SRPX2: variants seen among roughly 807,000 people sequenced by gnomAD.
SRPX2 encodes sushi repeat-containing protein SRPX2.
SRPX2 carries 26 observed loss-of-function variants against 45.3 expected under a neutral mutation model. That is an observed-to-expected ratio of 0.57 (90% CI 0.42 to 0.80). SRPX2 has a LOEUF of 0.80. Among genes scored for constraint, SRPX2 ranks in the 30% least tolerant of loss-of-function variants. The probability of loss-of-function intolerance (pLI) is 0.00; values close to 1 mark genes in which losing one functional copy is unlikely to be tolerated. For missense variants in SRPX2, 355 were observed against 399.8 expected (o/e 0.89, Z 0.95); for synonymous variants, 125 against 143.7 (o/e 0.87, Z 0.93).
intron 3 of SRPX2, among the ~76,000 whole-genome samples, chrX:100,661,675 C>T (rs1478506372): frequency 8.9e-6 from 1 of 112,120 alleles, no homozygotes; most frequent in Non-Finnish European, 1.9e-5. Context: ...GAGGCTGAGG[C>T]AGGAGAATGG....
chrX:100,645,882 T>C (rs111366850), intron 1 of SRPX2, among the ~76,000 whole-genome samples: 263 of 111,903 alleles, frequency 2.4e-3, no homozygotes, highest in African/African-American at 7.9e-3. Flanking sequence ...GAAATGTTAG[T>C]TGAATGAATG....
At chrX:100,667,221 G>C (rs1231047462) in intron 8 of SRPX2, 53 bp from the exon 9 acceptor site, 3 of 1,210,716 alleles carry the variant, frequency 2.5e-6, no homozygotes, top group Non-Finnish European at 3.4e-6. Context: ...GGTTACCTAA[G>C]CTGGGATGGA....
chrX:100,645,547 G>A (rs1023030966), intron 1 of SRPX2, among the ~76,000 whole-genome samples: 6 of 111,836 alleles, frequency 5.4e-5, no homozygotes, highest in African/African-American at 2.0e-4. Context: ...AAAACCCAAA[G>A]CTAAGAACAG....
chrX:100,666,842 C>T lies in SRPX2; in HGVS notation c.870C>T (p.Tyr290=). 1 of 1,212,080 alleles carries T rather than the reference C, an allele frequency of 8.3e-7. No homozygotes were observed. The highest frequency in any genetic ancestry group is 1.1e-6 in the Non-Finnish European group (1 of 895,640). Residue 290 remains tyrosine, a synonymous_variant, in exon 8 of 11, where the codon TAC becomes TAT. Transcript: ENST00000373004. ...AGDNYGATCE[Y]HCDGGYDRQG... ...ACAACTATGGTGCCACCTGTGAATA[C>T]CACTGTGATGGCGGTTATGATCGCC...
chrX:100,650,644 C>A lies in SRPX2; in HGVS notation c.83-141C>A, dbSNP rs185914642. On this transcript the variant is annotated intron_variant, in intron 2 of 10. Transcript: ENST00000373004. ...TGCTGCCTTACAATGCAGGATTTCC[C>A]CCACTAAATATCCACCTGGCTCCCC... is the stretch of plus-strand genomic sequence containing the variant. The A allele has an allele frequency of 9.2e-6, 5 of 541,194 alleles. No individual in the cohort carries two copies. The East Asian group carries it at 1.8e-4, about 20-fold the overall frequency. The allele number at this position is 541,194 out of a possible 1,213,427, so 44.6% of individuals were successfully genotyped here. A position where few individuals can be genotyped will look rare whatever the true frequency, so the allele number is the denominator to read the frequency against.
At chrX:100,661,856 C>T (rs1353766896) in intron 3 of SRPX2, among the ~76,000 whole-genome samples, 4 of 108,879 alleles carry the variant, frequency 3.7e-5, no homozygotes, top group African/African-American at 1.3e-4. Context: ...TCCCAGTGAC[C>T]TTCTCCTGTT....
rs1267384163 is a variant in SRPX2 at position 100,661,283 on chromosome X, C to T, written c.164-893C>T. On this transcript the variant is annotated intron_variant, in intron 3 of 10. Transcript: ENST00000373004. ...ATCTTTTCATGTGCTTATTTGCCAT[C>T]GGTGTAGCCTATTCAGTGCCATGTG... 4.5e-5 allele frequency among the ~76,000 whole-genome samples: 5 copies of T among 111,785 alleles called. No homozygotes were observed. The East Asian group carries it at 1.4e-3, about 31-fold the overall frequency.
rs934348560 is a variant in SRPX2 at position 100,675,545 on chromosome X, G to A, written c.*4558G>A. ...AAAAGCATAAATTGGAGAGGAGAAAGAGGAAGGAACTACTCACCTCTCCCC... is the reference window on the plus strand; with the variant it reads ...AAAAGCATAAATTGGAGAGGAGAAAAAGGAAGGAACTACTCACCTCTCCCC... On this transcript the variant is annotated 3_prime_UTR_variant, in exon 11 of 11. Transcript: ENST00000373004. 4 of 112,260 alleles carry A rather than the reference G, an allele frequency of 3.6e-5. No homozygotes were observed. Among genetic ancestry groups the A allele is most frequent in the African/African-American group, 1.3e-4 (4 of 30,707 alleles). 9.3% of individuals were successfully genotyped at this position (112,260 alleles called of 1,213,427 possible).
intron 3 of SRPX2, among the ~76,000 whole-genome samples, chrX:100,655,070 AC>A (rs1413180596): frequency 8.9e-6 from 1 of 112,371 alleles, no homozygotes; most frequent in Admixed American, 9.4e-5. Flanking sequence ...ATGAATAGCT[AC>A]AGAAAGCGGA....
At position 100,672,277 on chromosome X, in the gene SRPX2, A is replaced by G. The variant is rs1313578372; in HGVS notation, c.*1290A>G. 1 of 112,036 alleles carries G rather than the reference A, an allele frequency of 8.9e-6. No individual in the cohort carries two copies. The highest frequency in any genetic ancestry group is 3.2e-5 in the African/African-American group (1 of 30,788). 9.2% of individuals were successfully genotyped at this position (112,036 alleles called of 1,213,427 possible). A position where few individuals can be genotyped will look rare whatever the true frequency, so the allele number is the denominator to read the frequency against. ...GCTGAGAGCCTTCTTTCATACAGTC[A>G]TGGAACCCAGAGTCATAGCTAAGAC... On this transcript the variant is annotated 3_prime_UTR_variant, in exon 11 of 11. Transcript: ENST00000373004.
At chrX:100,666,651 C>T in intron 7 of SRPX2, 103 bp from the exon 8 acceptor site, 1 of 1,033,646 alleles carries the variant, frequency 9.7e-7, no homozygotes, top group Non-Finnish European at 1.3e-6. Context: ...TTTTTCTGAT[C>T]ATCCTAAGTC....
chrX:100,669,402 A>AGGGGGGGGGGGG, intron 10 of SRPX2, 33 bp downstream of exon 10: 1 of 27,559 alleles, frequency 3.6e-5, no homozygotes, highest in Admixed American at 1.0e-3. Context: ...ACTTGGGGGG[A>AGGGGGGGGGGGG]GGGGGGGCTG....
At chrX:100,649,927 G>A (rs773407990) in intron 2 of SRPX2, among the ~76,000 whole-genome samples, 2 of 112,030 alleles carry the variant, frequency 1.8e-5, no homozygotes, top group East Asian at 2.8e-4. Flanking sequence ...ACTTCACTCC[G>A]GAAAGGACCA....
intron 10 of SRPX2, among the ~76,000 whole-genome samples, chrX:100,670,243 G>A (rs1355547536): frequency 1.8e-5 from 2 of 111,352 alleles, no homozygotes; most frequent in African/African-American, 3.3e-5. Flanking sequence ...TCACTGCTCT[G>A]TTTTAGAGCA....
chrX:100,666,789 G>A lies in SRPX2; in HGVS notation c.817G>A (p.Gly273Ser), dbSNP rs1199709114. The A allele has an allele frequency of 1.1e-5, 13 of 1,210,782 alleles. No individual in the cohort carries two copies. The highest frequency in any genetic ancestry group is 1.8e-5 in the South Asian group (1 of 56,830). ...CCCAACTCTGAAACCTCCGCAGCAC[G>A]GCTACCTCACCTGCACCTCAGCGGG... ...RCPTLKPPQHGYLTCTSAGDN... is the reference protein window; with the variant it reads ...RCPTLKPPQHSYLTCTSAGDN... Residue 273 changes from glycine (G) to serine (S), a missense_variant, in exon 8 of 11, where the codon GGC becomes AGC. Physicochemically the swap from Gly to Ser is moderately conservative, Grantham distance 56 (BLOSUM62 0). Coordinates refer to ENST00000373004, the MANE Select transcript of SRPX2 (RefSeq NM_014467.3).
At chrX:100,659,046 G>C (rs2147645495) in intron 3 of SRPX2, among the ~76,000 whole-genome samples, 1 of 111,711 alleles carries the variant, frequency 9.0e-6, no homozygotes, top group African/African-American at 3.2e-5. Context: ...CTTCCACATA[G>C]TGTATCCACC....
chrX:100,669,126 T>C, intron 9 of SRPX2, 122 bp from the exon 10 acceptor site: 1 of 949,560 alleles, frequency 1.1e-6, no homozygotes, highest in Non-Finnish European at 1.5e-6. Context: ...GATTGCGTGA[T>C]CATTGGGGGA....
rs148234042 is a variant in SRPX2, at chrX:100,671,047, G to A, written c.*60G>A. The A allele has an allele frequency of 0.014, 15,382 of 1,124,384 alleles. 93 individuals are homozygous for A. Among genetic ancestry groups the A allele is most frequent in the Non-Finnish European group, 0.016 (13,405 of 835,033 alleles). 92.7% of individuals were successfully genotyped at this position (1,124,384 alleles called of 1,213,427 possible). On this transcript the variant is annotated 3_prime_UTR_variant, in exon 11 of 11. Coordinates refer to ENST00000373004, the MANE Select transcript of SRPX2 (RefSeq NM_014467.3). ...AGCTCCTCTAGTTAGCTGAAACTGGGACCTAATAAAAGGAGGAAATGTTTT... is the reference window on the plus strand; with the variant it reads ...AGCTCCTCTAGTTAGCTGAAACTGGAACCTAATAAAAGGAGGAAATGTTTT...
At position 100,646,213 on chromosome X, in the gene SRPX2, C is replaced by T. The variant is rs1247885756; in HGVS notation, c.-110C>T. ...CACAGATCCCATATTTCTGCTTCCC[C>T]TCACTTTTAGAAGTTAATTGATGGC... On this transcript the variant is annotated 5_prime_UTR_variant, in exon 2 of 11. Transcript: ENST00000373004. The T allele has an allele frequency of 8.9e-6, 6 of 675,409 alleles. No individual in the cohort carries two copies. Among genetic ancestry groups the T allele is most frequent in the South Asian group, 2.2e-5 (1 of 45,349 alleles). 55.7% of individuals were successfully genotyped at this position (675,409 alleles called of 1,213,427 possible). A position where few individuals can be genotyped will look rare whatever the true frequency, so the allele number is the denominator to read the frequency against.
Sources: gnomAD v4.1 joint callset for allele counts (sites outside exome capture counted in the v4.1 genomes callset) on GRCh38, gnomAD v4.1.1 for gene constraint, MANE v1.5 for transcripts, NCBI Gene and HGNC (gene_info 2026-07-23, HGNC 2026-07-21) for gene names.